ISM1: variants seen among roughly 807,000 people sequenced by gnomAD.
The protein encoded by ISM1 is isthmin-1.
Under a neutral mutation model 46.3 loss-of-function variants are expected in ISM1, and 25 were observed. The observed-to-expected ratio is 0.54, with a 90% CI of 0.39 to 0.75. The LOEUF (loss-of-function observed/expected upper bound fraction) is 0.75, where lower values mean the gene tolerates loss of function less well. Among genes scored for constraint, ISM1 ranks in the 30% least tolerant of loss-of-function variants. The probability of loss-of-function intolerance (pLI) is 0.00; values close to 1 mark genes in which losing one functional copy is unlikely to be tolerated. For missense variants in ISM1, 536 were observed against 625.4 expected (o/e 0.86, Z 1.52); for synonymous variants, 255 against 256.7 (o/e 0.99, Z 0.06).
chr20:13,266,443 C>T (rs935562718), intron 1 of ISM1, among the ~76,000 whole-genome samples: 1 of 152,238 alleles, frequency 6.6e-6, no homozygotes, highest in Middle Eastern at 3.4e-3. Context: ...AGCTGCATTT[C>T]TTCTGTTTTC....
intron 1 of ISM1, among the ~76,000 whole-genome samples, chr20:13,238,738 G>A (rs940955911): frequency 5.9e-5 from 9 of 152,144 alleles, no homozygotes; most frequent in Non-Finnish European, 1.2e-4. Context: ...TCACATCTAC[G>A]ATCAAAATGA....
chr20:13,245,923 C>T (rs1006476723), intron 1 of ISM1, among the ~76,000 whole-genome samples: 1 of 152,162 alleles, frequency 6.6e-6, no homozygotes, highest in Admixed American at 6.5e-5. Flanking sequence ...CCGCCCACTC[C>T]GATGTTCTTT....
Position 13,232,332 on chromosome 20 carries a change from C to A in ISM1, c.138+10418C>A, listed in dbSNP as rs1005271155. ...TGAGCTTCAGCAATCTCCAAGCAAC[C>A]ACTGATCTGCCTTCTCTCACTGTAG... On this transcript the variant is annotated intron_variant, in intron 1 of 5. Coordinates refer to ENST00000262487, the MANE Select transcript of ISM1 (RefSeq NM_080826.2). Among the ~76,000 whole-genome samples the A allele has an allele frequency of 2.0e-5, 3 of 152,194 alleles. 1 individual carries two copies.
intron 1 of ISM1, among the ~76,000 whole-genome samples, chr20:13,247,608 G>A (rs55641818): frequency 0.036 from 5,457 of 151,292 alleles, 171 homozygotes; most frequent in African/African-American, 0.077. Context: ...CATGAGGGAT[G>A]ATTATTTCTC....
intron 1 of ISM1, among the ~76,000 whole-genome samples, chr20:13,252,318 C>A (rs2039876812): frequency 6.6e-6 from 1 of 152,174 alleles, no homozygotes; most frequent in Admixed American, 6.5e-5. Flanking sequence ...TTAGATTGTC[C>A]TTCTTCACCT....
intron 4 of ISM1, among the ~76,000 whole-genome samples, chr20:13,290,160 G>T (rs527402921): frequency 1.3e-5 from 2 of 152,136 alleles, no homozygotes; most frequent in Admixed American, 1.3e-4. Context: ...CAACCATTAC[G>T]GTGCTTTTCC....
chr20:13,274,890 A>G (rs2040160486), intron 2 of ISM1, among the ~76,000 whole-genome samples: 1 of 152,194 alleles, frequency 6.6e-6, no homozygotes, highest in African/African-American at 2.4e-5. Flanking sequence ...TCAGACTACT[A>G]AACTGAGTCT....
chr20:13,285,577 C>T (rs2040282839), intron 3 of ISM1, among the ~76,000 whole-genome samples: 2 of 152,282 alleles, frequency 1.3e-5, no homozygotes, highest in Middle Eastern at 3.4e-3. Context: ...TGCAGCAAGA[C>T]GGAATGCACG....
chr20:13,264,231 T>C (rs1042055133), intron 1 of ISM1, among the ~76,000 whole-genome samples: 2 of 152,208 alleles, frequency 1.3e-5, no homozygotes, highest in Admixed American at 6.5e-5. Context: ...GTCTGCCTGA[T>C]TGTGTTAATC....
chr20:13,229,410 A>G (rs1476938659), intron 1 of ISM1, among the ~76,000 whole-genome samples: 1 of 152,172 alleles, frequency 6.6e-6, no homozygotes, highest in Non-Finnish European at 1.5e-5. Context: ...TTTCACATAA[A>G]TGGAAATGTA....
the ISM1 span, among the ~76,000 whole-genome samples, chr20:13,324,469 G>A: frequency 6.6e-6 from 1 of 152,208 alleles, no homozygotes; most frequent in Non-Finnish European, 1.5e-5. Context: ...AGGCAGGGGT[G>A]TAGAATTTAA....
At chr20:13,298,042 G>A (rs1289279100) in intron 5 of ISM1, among the ~76,000 whole-genome samples, 3 of 151,902 alleles carry the variant, frequency 2.0e-5, no homozygotes, top group Non-Finnish European at 4.4e-5. Flanking sequence ...ATCTTCCTTT[G>A]GGGCCTTTTC....
chr20:13,236,243 A>G (rs1252759933), intron 1 of ISM1, among the ~76,000 whole-genome samples: 2 of 152,148 alleles, frequency 1.3e-5, no homozygotes, highest in Non-Finnish European at 2.9e-5. Flanking sequence ...TCTAACAAGG[A>G]CCTGCTCAGA....
intron 1 of ISM1, among the ~76,000 whole-genome samples, chr20:13,222,639 A>G (rs182574788): frequency 1.2e-4 from 18 of 152,270 alleles, no homozygotes; most frequent in Admixed American, 9.8e-4. Flanking sequence ...AGGTCGCTTT[A>G]GCAATGGGAT....
chr20:13,285,939 G>T (rs2040287301), intron 3 of ISM1, among the ~76,000 whole-genome samples: 1 of 152,158 alleles, frequency 6.6e-6, no homozygotes, highest in South Asian at 2.1e-4. Context: ...GAGATTTCTG[G>T]ATAGTGGAGG....
rs540880512 is a variant in ISM1 at position 13,227,532 on chromosome 20, G to A, written c.138+5618G>A. 7.2e-4 allele frequency among the ~76,000 whole-genome samples: 93 copies of A among 128,682 alleles called. 1 individual carries two copies. The highest frequency in any genetic ancestry group is 2.5e-3 in the African/African-American group (86 of 33,888). The allele number at this position is 128,682 out of a possible 152,430, so 84.4% of individuals were successfully genotyped here. A position where few individuals can be genotyped will look rare whatever the true frequency, so the allele number is the denominator to read the frequency against. On this transcript the variant is annotated intron_variant, in intron 1 of 5. Transcript: ENST00000262487. ...TTTTTTCTTTTTTTTTTTTTGAGACGGAGTCTTGCTCTGTCACCCAGGCTG... is the reference window on the plus strand; with the variant it reads ...TTTTTTCTTTTTTTTTTTTTGAGACAGAGTCTTGCTCTGTCACCCAGGCTG...
At chr20:13,295,098 C>A (rs11699462) in intron 5 of ISM1, among the ~76,000 whole-genome samples, 11,980 of 152,192 alleles carry the variant, frequency 0.079, 618 homozygotes, top group Admixed American at 0.11. Context: ...CCACCACCAG[C>A]CTCCCAGGCT....
chr20:13,305,576 G>T (rs1211020083), downstream of ISM1, among the ~76,000 whole-genome samples: 1 of 152,160 alleles, frequency 6.6e-6, no homozygotes, highest in African/African-American at 2.4e-5. Flanking sequence ...CAAATTAAAG[G>T]CTTGCCTCAG....
the ISM1 span, among the ~76,000 whole-genome samples, chr20:13,323,489 C>T: frequency 6.6e-6 from 1 of 152,180 alleles, no homozygotes; most frequent in Non-Finnish European, 1.5e-5. Flanking sequence ...AACTTATATC[C>T]TACCAAATCC....
Sources: allele counts gnomAD v4.1 joint callset (sites outside exome capture counted in the v4.1 genomes callset), GRCh38; gene constraint gnomAD v4.1.1; transcripts MANE v1.5; gene names NCBI Gene and HGNC (gene_info 2026-07-23, HGNC 2026-07-21).